AKAP14: variants seen among roughly 807,000 people sequenced by gnomAD.
The protein encoded by AKAP14 is A-kinase anchor protein 14.
A neutral mutation model predicts 17.0 loss-of-function variants in AKAP14; 4 were observed. The observed-to-expected ratio is 0.23, with a 90% CI of 0.12 to 0.54. AKAP14 has a LOEUF of 0.54. AKAP14 is among the 20% of genes least tolerant of loss of function. The pLI is 0.95. For missense variants in AKAP14, 129 were observed against 150.9 expected (o/e 0.85, Z 0.76); for synonymous variants, 42 against 51.3 (o/e 0.82, Z 0.77).
At chrX:119,912,796 G>A (rs940328808) in intron 4 of AKAP14, among the ~76,000 whole-genome samples, 3 of 111,433 alleles carry the variant, frequency 2.7e-5, no homozygotes, top group South Asian at 3.7e-4. Flanking sequence ...CAAAATCCAC[G>A]TGCGCTCAAG....
chrX:119,906,596 C>T (rs1460757582), intron 4 of AKAP14, among the ~76,000 whole-genome samples: 8 of 103,362 alleles, frequency 7.7e-5, no homozygotes, highest in East Asian at 3.1e-4. Flanking sequence ...TGCAATGGTG[C>T]GATCTCGGCC....
At chrX:119,905,126 A>T (rs1401248367) in intron 4 of AKAP14, among the ~76,000 whole-genome samples, 2 of 110,897 alleles carry the variant, frequency 1.8e-5, no homozygotes, top group African/African-American at 6.5e-5. Flanking sequence ...GTGGAGGCGA[A>T]CTCCCCTACC....
At chrX:119,897,296 A>G (rs921184426) in intron 2 of AKAP14, among the ~76,000 whole-genome samples, 2 of 109,789 alleles carry the variant, frequency 1.8e-5, no homozygotes, top group African/African-American at 6.6e-5. Context: ...AGTAGCTGGG[A>G]CTACAGGCAC....
chrX:119,914,512 A>G (rs763865432), intron 4 of AKAP14, among the ~76,000 whole-genome samples, 187 bp from the exon 5 acceptor site: 2 of 110,460 alleles, frequency 1.8e-5, no homozygotes, highest in Non-Finnish European at 3.8e-5. Context: ...TTGTAGAGAT[A>G]GGGTCTTGCT....
intron 5 of AKAP14, chrX:119,919,681 A>G (rs1234074407): frequency 6.3e-6 from 2 of 317,634 alleles, no homozygotes; most frequent in Non-Finnish European, 1.1e-5. Context: ...CTCCGTCTCT[A>G]CTAAAAATAA....
chrX:119,915,633 G>T (rs375639728), intron 5 of AKAP14, among the ~76,000 whole-genome samples: 1 of 111,863 alleles, frequency 8.9e-6, no homozygotes, highest in Admixed American at 9.6e-5. Context: ...AACCTCCCAA[G>T]TAGCTGGGAT....
At chrX:119,913,151 T>TAAATAAATAAATAAATAAAA (rs1569469975) in intron 4 of AKAP14, among the ~76,000 whole-genome samples, 1 of 69,641 alleles carries the variant, frequency 1.4e-5, no homozygotes, top group Non-Finnish European at 2.7e-5. Flanking sequence ...AATAAATAAA[T>TAAATAAATAAATAAATAAAA]AAAATAAAAT....
At chrX:119,907,451 ATATTTATT>A (rs1376594058) in intron 4 of AKAP14, among the ~76,000 whole-genome samples, 1 of 108,523 alleles carries the variant, frequency 9.2e-6, no homozygotes, top group African/African-American at 3.3e-5. Context: ...TTTTTAAAAA[ATATTTATT>A]TATTTATTTA....
chrX:119,919,902 C>CT lies in AKAP14; in HGVS notation c.442-3dup. 2 of 1,208,848 alleles carry CT rather than the reference C, an allele frequency of 1.7e-6. No homozygotes were observed. The highest frequency in any genetic ancestry group is 3.5e-5 in the South Asian group (2 of 56,739). On this transcript the variant is annotated splice_polypyrimidine_tract_variant and intron_variant, in intron 5 of 6. Coordinates refer to ENST00000371431, the MANE Select transcript of AKAP14 (RefSeq NM_178813.6). ...GGTCTGGGCTAACAGTTGTCCTTCT[C>CT]TTTTTTAGGATGCACCCATTGTTGT...
intron 4 of AKAP14, among the ~76,000 whole-genome samples, chrX:119,913,334 C>T (rs1007031428): frequency 1.8e-5 from 2 of 111,895 alleles, no homozygotes; most frequent in African/African-American, 6.5e-5. Flanking sequence ...TAAAGCCAGC[C>T]TCATTACTTT....
At chrX:119,900,872 C>A (rs985029006) in intron 2 of AKAP14, among the ~76,000 whole-genome samples, 19 of 111,847 alleles carry the variant, frequency 1.7e-4, no homozygotes, top group African/African-American at 6.2e-4. Context: ...TGGAAGTAAG[C>A]AATTTTTCAT....
intron 6 of AKAP14, among the ~76,000 whole-genome samples, 173 bp from the exon 7 acceptor site, chrX:119,920,335 A>G (rs191589167): frequency 5.4e-5 from 6 of 111,471 alleles, no homozygotes; most frequent in African/African-American, 1.9e-4. Context: ...TGGGCTTAAG[A>G]AACAGTAAAG....
intron 4 of AKAP14, 96 bp downstream of exon 4, chrX:119,903,682 G>A: frequency 8.6e-7 from 1 of 1,167,336 alleles, no homozygotes. Flanking sequence ...GAAAATCTAG[G>A]AGATGGTATC....
At chrX:119,904,249 C>T (rs1472757468) in intron 4 of AKAP14, among the ~76,000 whole-genome samples, 1 of 112,081 alleles carries the variant, frequency 8.9e-6, no homozygotes, top group East Asian at 2.8e-4. Flanking sequence ...CCACCACCAA[C>T]TTTAGAATGC....
chrX:119,915,809 C>A (rs781548825), intron 5 of AKAP14, among the ~76,000 whole-genome samples: 2 of 110,290 alleles, frequency 1.8e-5, no homozygotes, highest in Non-Finnish European at 3.8e-5. Flanking sequence ...CCCGGCCCCC[C>A]CAAACAATTT....
chrX:119,910,966 T>A lies in AKAP14; in HGVS notation c.262-3733T>A, dbSNP rs996785910. Among the ~76,000 whole-genome samples, 3 of 108,674 alleles carry A rather than the reference T, an allele frequency of 2.8e-5. No homozygotes were observed. The Admixed American group carries it at 3.0e-4, about 11-fold the overall frequency. 94.4% of individuals were successfully genotyped at this position (108,674 alleles called of 115,157 possible). A position where few individuals can be genotyped will look rare whatever the true frequency, so the allele number is the denominator to read the frequency against. ...CGTGAGCCACTGTGCCCGGCCTTTTTCTTCTAATTTTAAAAGAAATGAACA... is the reference window on the plus strand; with the variant it reads ...CGTGAGCCACTGTGCCCGGCCTTTTACTTCTAATTTTAAAAGAAATGAACA... On this transcript the variant is annotated intron_variant, in intron 4 of 6. Coordinates refer to ENST00000371431, the MANE Select transcript of AKAP14 (RefSeq NM_178813.6).
At chrX:119,907,511 G>A (rs2056604477) in intron 4 of AKAP14, among the ~76,000 whole-genome samples, 1 of 110,491 alleles carries the variant, frequency 9.1e-6, no homozygotes, top group African/African-American at 3.3e-5. Flanking sequence ...AAGCTGGAGT[G>A]CAGTGGCGCA....
At chrX:119,899,599 A>C (rs1375683100) in intron 2 of AKAP14, among the ~76,000 whole-genome samples, 3 of 111,326 alleles carry the variant, frequency 2.7e-5, no homozygotes, top group Admixed American at 9.6e-5. Flanking sequence ...GCCAACTCGC[A>C]GGGAGAAAAC....
At chrX:119,916,433 AATCT>A (rs66480348) in intron 5 of AKAP14, among the ~76,000 whole-genome samples, 37,252 of 98,491 alleles carry the variant, frequency 0.38, 5,918 homozygotes, top group Non-Finnish European at 0.39. Flanking sequence ...CTGCCTATCT[AATCT>A]ATCTATCTAT....
Sources: allele counts gnomAD v4.1 joint callset (sites outside exome capture counted in the v4.1 genomes callset), GRCh38; gene constraint gnomAD v4.1.1; transcripts MANE v1.5; gene names NCBI Gene and HGNC (gene_info 2026-07-23, HGNC 2026-07-21).